NUP107: variants seen among roughly 807,000 people sequenced by gnomAD.
The protein encoded by NUP107 is nuclear pore complex protein Nup107.
In NUP107, 101 loss-of-function variants were observed where a neutral mutation model predicts 141.0. That is an observed-to-expected ratio of 0.72 (90% CI 0.61 to 0.84). NUP107 has a LOEUF of 0.84. Among genes scored for constraint, NUP107 ranks in the 40% least tolerant of loss-of-function variants. The probability of loss-of-function intolerance (pLI) is 0.00; values close to 1 mark genes in which losing one functional copy is unlikely to be tolerated. For missense variants in NUP107, 941 were observed against 1,102.7 expected (o/e 0.85, Z 2.08); for synonymous variants, 319 against 363.9 (o/e 0.88, Z 1.41).
Position 68,715,754 on chromosome 12 carries a change from A to G in NUP107, c.1083+14A>G, listed in dbSNP as rs1877076632. On this transcript the variant is annotated intron_variant, in intron 12 of 27. Coordinates refer to ENST00000229179, the MANE Select transcript of NUP107 (RefSeq NM_020401.4). ...ATGACAGAAGAGGTCAGTCATGTATACCCTTCTTGTCTAATTTCAAAAAGT... is the reference window on the plus strand; with the variant it reads ...ATGACAGAAGAGGTCAGTCATGTATGCCCTTCTTGTCTAATTTCAAAAAGT... The G allele has an allele frequency of 6.8e-7, 1 of 1,481,008 alleles. No homozygotes were observed. The highest frequency in any genetic ancestry group is 1.7e-5 in the Admixed American group (1 of 57,324). The allele number at this position is 1,481,008 out of a possible 1,614,324, so 91.7% of individuals were successfully genotyped here. A position where few individuals can be genotyped will look rare whatever the true frequency, so the allele number is the denominator to read the frequency against.
chr12:68,729,212 C>T (rs1877708106), intron 20 of NUP107, among the ~76,000 whole-genome samples: 1 of 152,152 alleles, frequency 6.6e-6, no homozygotes, highest in Admixed American at 6.5e-5. Context: ...AAAGTTATTA[C>T]AGTAGTATAG....
At chr12:68,691,590 T>C (rs1875785642) in intron 4 of NUP107, among the ~76,000 whole-genome samples, 1 of 152,186 alleles carries the variant, frequency 6.6e-6, no homozygotes, top group South Asian at 2.1e-4. Context: ...TCCCAGCATT[T>C]TGGGAGGCTG....
chr12:68,718,831 A>T (rs1877220856), intron 12 of NUP107, among the ~76,000 whole-genome samples: 1 of 151,196 alleles, frequency 6.6e-6, no homozygotes. Flanking sequence ...CATATGTTTT[A>T]AAAATAGAAT....
At chr12:68,725,664 G>A (rs1877526343) in intron 17 of NUP107, 63 bp from the exon 18 acceptor site, 8 of 815,878 alleles carry the variant, frequency 9.8e-6, no homozygotes, top group Non-Finnish European at 1.6e-5. Flanking sequence ...TAGTTTAACA[G>A]TGAATATATA....
chr12:68,689,820 G>A (rs148284810), intron 3 of NUP107: 2 of 482,052 alleles, frequency 4.1e-6, no homozygotes, highest in Non-Finnish European at 7.3e-6. Context: ...TATGACATGG[G>A]TATTGTTGGC....
At chr12:68,723,537 A>G (rs1406170833) in intron 17 of NUP107, among the ~76,000 whole-genome samples, 10 of 152,238 alleles carry the variant, frequency 6.6e-5, no homozygotes, top group Non-Finnish European at 1.2e-4. Flanking sequence ...TAGAGGTTGC[A>G]GTGAGCCAAG....
At position 68,719,499 on chromosome 12, in the gene NUP107, G is replaced by A. The variant is rs565376198; in HGVS notation, c.1174+68G>A. 160 of 1,553,958 alleles carry A rather than the reference G, an allele frequency of 1.0e-4. No homozygotes were observed. The South Asian group carries it at 1.7e-3, about 17-fold the overall frequency. ...TTTCGCTCTAAATGCCAATCTTTGT[G>A]AACTATAGCTTCTCTTTTTAGAAAG... is the stretch of plus-strand genomic sequence containing the variant. On this transcript the variant is annotated intron_variant, in intron 13 of 27. Transcript: ENST00000229179.
intron 7 of NUP107, among the ~76,000 whole-genome samples, chr12:68,702,241 G>A (rs1161000817): frequency 2.0e-5 from 3 of 151,172 alleles, no homozygotes; most frequent in African/African-American, 4.9e-5. Flanking sequence ...CACCCACCTC[G>A]GCCTCCCAAA....
chr12:68,712,635 T>C (rs919546249), intron 10 of NUP107, among the ~76,000 whole-genome samples: 1 of 151,128 alleles, frequency 6.6e-6, no homozygotes, highest in Non-Finnish European at 1.5e-5. Context: ...TTTTTGTTTT[T>C]TGTTTTTTGT....
At chr12:68,687,742 C>G in intron 1 of NUP107, 18 of 693,724 alleles carry the variant, frequency 2.6e-5, no homozygotes, top group Non-Finnish European at 3.2e-5. Context: ...TGCCATTGTT[C>G]TAAAGGCGTT....
At chr12:68,717,831 T>C (rs763476165) in intron 12 of NUP107, among the ~76,000 whole-genome samples, 4 of 152,234 alleles carry the variant, frequency 2.6e-5, no homozygotes, top group Non-Finnish European at 4.4e-5. Context: ...AGATACCATA[T>C]CAAAATAGTT....
chr12:68,720,149 AG>A (rs1246849595), intron 14 of NUP107, among the ~76,000 whole-genome samples: 1 of 152,198 alleles, frequency 6.6e-6, no homozygotes, highest in Non-Finnish European at 1.5e-5. Flanking sequence ...AAAACCCCAC[AG>A]GACTTATAGG....
At position 68,744,921 on chromosome 12, in the gene NUP107, G is replaced by A. The variant is rs1374440322; in HGVS notation, c.*2459G>A. 4 of 152,218 alleles carry A rather than the reference G, an allele frequency of 2.6e-5. No individual in the cohort carries two copies. The highest frequency in any genetic ancestry group is 5.9e-5 in the Non-Finnish European group (4 of 68,046). The allele number at this position is 152,218 out of a possible 1,614,324, so 9.4% of individuals were successfully genotyped here. The stretch of plus-strand genomic sequence containing the variant: ...TTCTAGAGAGGAAACTCAGGGAAGG[G>A]CGTGTTGCCTATCACAGGTTCGCAT... On this transcript the variant is annotated 3_prime_UTR_variant, in exon 28 of 28. Transcript: ENST00000229179.
intron 5 of NUP107, among the ~76,000 whole-genome samples, chr12:68,692,593 A>G (rs1044188504): frequency 2.6e-5 from 4 of 151,708 alleles, no homozygotes; most frequent in African/African-American, 4.8e-5. Flanking sequence ...AAAAAAACAA[A>G]AAAAAAAACA....
At position 68,745,271 on chromosome 12, in the gene NUP107, G is replaced by A. The variant is rs1234260335; in HGVS notation, c.*2809G>A. 6.6e-6 allele frequency: 1 copy of A among 152,124 alleles called. No individual in the cohort carries two copies. Among genetic ancestry groups the A allele is most frequent in the East Asian group, 1.9e-4 (1 of 5,200 alleles). 9.4% of individuals were successfully genotyped at this position (152,124 alleles called of 1,614,324 possible). ...AGTCTCTCTTTTTAATTTTATGACT[G>A]CTGAATTAATCCTAGACTCTGTCTT... is the stretch of plus-strand genomic sequence containing the variant. On this transcript the variant is annotated 3_prime_UTR_variant, in exon 28 of 28. Transcript: ENST00000229179.
At chr12:68,687,394 C>T (rs1486559191) in intron 1 of NUP107, 1 of 1,064,142 alleles carries the variant, frequency 9.4e-7, no homozygotes, top group Non-Finnish European at 1.2e-6. Flanking sequence ...AAGTGACCAG[C>T]CTGAGATCAC....
Position 68,735,358 on chromosome 12 carries a change from A to G in NUP107, c.2502+14A>G, listed in dbSNP as rs1332478443. ...GATGTTAGAGAGGTAAGCTGTGTGC[A>G]TTGTTTATAGCCAAAAACCAAAACA... is the stretch of plus-strand genomic sequence containing the variant. On this transcript the variant is annotated intron_variant, in intron 26 of 27. Transcript: ENST00000229179. 6.3e-7 allele frequency: 1 copy of G among 1,592,966 alleles called. No individual in the cohort carries two copies. The highest frequency in any genetic ancestry group is 1.1e-5 in the South Asian group (1 of 90,570).
intron 15 of NUP107, 108 bp downstream of exon 15, chr12:68,721,285 A>C: frequency 1.5e-6 from 1 of 658,680 alleles, no homozygotes; most frequent in African/African-American, 1.9e-5. Context: ...ATACTTAAGT[A>C]TATACATACT....
chr12:68,701,648 C>T (rs1454238320), intron 7 of NUP107, among the ~76,000 whole-genome samples: 1 of 151,350 alleles, frequency 6.6e-6, no homozygotes, highest in Non-Finnish European at 1.5e-5. Context: ...TACTGCACTC[C>T]AGCCTGGGTG....
Sources: allele counts gnomAD v4.1 joint callset (sites outside exome capture counted in the v4.1 genomes callset), GRCh38; gene constraint gnomAD v4.1.1; transcripts MANE v1.5; gene names NCBI Gene and HGNC (gene_info 2026-07-23, HGNC 2026-07-21).